OXR1: variants seen among roughly 807,000 people sequenced by gnomAD.
OXR1 encodes the protein oxidation resistance protein 1.
A neutral mutation model predicts 104.6 loss-of-function variants in OXR1; 41 were observed. The observed-to-expected ratio is 0.39, with a 90% confidence interval of 0.31 to 0.51. The LOEUF is 0.51. Among genes scored for constraint, OXR1 ranks in the 20% least tolerant of loss-of-function variants. The pLI, the probability that OXR1 is intolerant of heterozygous loss-of-function variation, is 0.77. For missense variants in OXR1, 955 were observed against 1,031.9 expected, an observed-to-expected ratio of 0.93 and a Z score of 1.02; for synonymous variants, 348 against 348.4, an observed-to-expected ratio of 1.00 and a Z score of 0.01.
intron 2 of OXR1, among the ~76,000 whole-genome samples, chr8:106,363,313 G>A (rs952713006): frequency 1.1e-4 from 16 of 152,166 alleles, no homozygotes; most frequent in Admixed American, 9.8e-4. Flanking sequence ...TAAAAGGTAC[G>A]TGCAGAATGT....
At chr8:106,356,871 C>A (rs1471043190) in intron 1 of OXR1, among the ~76,000 whole-genome samples, 1 of 152,028 alleles carries the variant, frequency 6.6e-6, no homozygotes, top group Non-Finnish European at 1.5e-5. Context: ...AGAAAAGCAA[C>A]CCAGAAATTT....
At chr8:106,413,680 G>T (rs7836182) in intron 2 of OXR1, among the ~76,000 whole-genome samples, 57,303 of 151,204 alleles carry the variant, frequency 0.38, 12,167 homozygotes, top group East Asian at 0.7. Flanking sequence ...TTATCCTATT[G>T]TAAGTAAAGA....
chr8:106,593,120 T>C (rs1455594665), intron 3 of OXR1, among the ~76,000 whole-genome samples: 4 of 152,246 alleles, frequency 2.6e-5, no homozygotes, highest in Admixed American at 2.0e-4. Context: ...ATTTCAAGTA[T>C]AGCTTTTCTG....
chr8:106,654,481 T>A (rs921207257), intron 3 of OXR1, among the ~76,000 whole-genome samples: 2 of 152,034 alleles, frequency 1.3e-5, no homozygotes, highest in Non-Finnish European at 2.9e-5. Context: ...TAGCCACACA[T>A]AAAAGAATGA....
chr8:106,284,564 TA>T (rs1261871085), intron 1 of OXR1, among the ~76,000 whole-genome samples: 11 of 152,168 alleles, frequency 7.2e-5, no homozygotes, highest in Non-Finnish European at 1.0e-4. Flanking sequence ...AGCAACTTTT[TA>T]AAAAGTCTTC....
chr8:106,728,587 C>T (rs1833570851), intron 11 of OXR1, among the ~76,000 whole-genome samples: 1 of 152,120 alleles, frequency 6.6e-6, no homozygotes, highest in African/African-American at 2.4e-5. Flanking sequence ...CAGTTAGCTT[C>T]GATGAGAACC....
At chr8:106,482,199 C>T (rs187193126) in intron 2 of OXR1, among the ~76,000 whole-genome samples, 14 of 151,960 alleles carry the variant, frequency 9.2e-5, no homozygotes, top group Admixed American at 5.3e-4. Context: ...TCTATACTTC[C>T]GCATCTTGGT....
intron 2 of OXR1, among the ~76,000 whole-genome samples, chr8:106,411,333 G>A (rs1818448519): frequency 6.6e-6 from 1 of 152,138 alleles, no homozygotes; most frequent in African/African-American, 2.4e-5. Context: ...TTCAGGCCAA[G>A]TTAAATATGT....
chr8:106,561,704 A>T (rs1051194943), intron 3 of OXR1, among the ~76,000 whole-genome samples: 1 of 152,162 alleles, frequency 6.6e-6, no homozygotes, highest in African/African-American at 2.4e-5. Context: ...GCAATGGTCG[A>T]CAGACACCTC....
At chr8:106,487,793 G>A (rs527463400) in intron 2 of OXR1, among the ~76,000 whole-genome samples, 13,202 of 150,510 alleles carry the variant, frequency 0.088, 592 homozygotes, top group African/African-American at 0.12. Flanking sequence ...TGGTGTATAT[G>A]TGCCACATTT....
intron 2 of OXR1, among the ~76,000 whole-genome samples, chr8:106,392,118 T>C (rs1817606117): frequency 1.3e-5 from 2 of 152,230 alleles, no homozygotes; most frequent in African/African-American, 4.8e-5. Context: ...TACTCTCTGC[T>C]GGCAAGTGAG....
chr8:106,440,127 T>C (rs1819726828), intron 2 of OXR1, among the ~76,000 whole-genome samples: 1 of 152,034 alleles, frequency 6.6e-6, no homozygotes, highest in Non-Finnish European at 1.5e-5. Context: ...TGGGACTGCG[T>C]TGGTAATTTT....
intron 3 of OXR1, among the ~76,000 whole-genome samples, chr8:106,674,987 A>G (rs949464989): frequency 1.4e-4 from 21 of 152,196 alleles, no homozygotes; most frequent in African/African-American, 5.1e-4. Context: ...ACTAATACAT[A>G]AGGATACAGA....
At chr8:106,747,496 A>C (rs1159067294) in intron 16 of OXR1, among the ~76,000 whole-genome samples, 3 of 152,232 alleles carry the variant, frequency 2.0e-5, no homozygotes, top group Admixed American at 2.0e-4. Context: ...TTAAAGATTT[A>C]GAAGACTACT....
At chr8:106,296,676 A>G (rs544991237) in intron 1 of OXR1, among the ~76,000 whole-genome samples, 1 of 152,262 alleles carries the variant, frequency 6.6e-6, no homozygotes, top group African/African-American at 2.4e-5. Context: ...CAGTGTACAT[A>G]TTAGGGACTA....
intron 3 of OXR1, among the ~76,000 whole-genome samples, chr8:106,551,868 G>A (rs78638974): frequency 0.098 from 12,430 of 126,952 alleles, 671 homozygotes; most frequent in African/African-American, 0.15. Context: ...ATATGTGTGT[G>A]TGTGTGTGTG....
At chr8:106,607,080 T>A (rs1433951764) in intron 3 of OXR1, among the ~76,000 whole-genome samples, 2 of 152,166 alleles carry the variant, frequency 1.3e-5, no homozygotes, top group Non-Finnish European at 2.9e-5. Flanking sequence ...AAGAGCAGGG[T>A]TGTTATGTCT....
intron 2 of OXR1, among the ~76,000 whole-genome samples, chr8:106,399,936 T>C (rs11994512): frequency 9.5e-4 from 145 of 152,304 alleles, no homozygotes; most frequent in African/African-American, 3.2e-3. Flanking sequence ...CAAGAATCCT[T>C]GTTTCTGATT....
intron 2 of OXR1, among the ~76,000 whole-genome samples, chr8:106,401,454 C>T (rs1174279884): frequency 5.9e-5 from 9 of 152,080 alleles, no homozygotes; most frequent in Non-Finnish European, 1.5e-5. Flanking sequence ...TTTTAAGGGC[C>T]TGCACTGTGA....
Sources: gnomAD v4.1 joint callset for allele counts (sites outside exome capture counted in the v4.1 genomes callset) on GRCh38, gnomAD v4.1.1 for gene constraint, MANE v1.5 for transcripts, NCBI Gene and HGNC (gene_info 2026-07-23, HGNC 2026-07-21) for gene names.